Variants in TOR1AIP2 observed in about 807,000 individuals in gnomAD.
TOR1AIP2 encodes torsin 1A interacting protein 2, also known as torsin-1A-interacting protein 2.
In TOR1AIP2, 20 loss-of-function variants were observed where a neutral mutation model predicts 32.6. The observed-to-expected ratio is 0.61, with a 90% confidence interval of 0.43 to 0.89. TOR1AIP2 has a LOEUF of 0.89. TOR1AIP2 is among the 40% of genes least tolerant of loss of function. The pLI, the probability that TOR1AIP2 is intolerant of heterozygous loss-of-function variation, is 0.00. For missense variants in TOR1AIP2, 456 were observed against 553.8 expected, an observed-to-expected ratio of 0.82 and a Z score of 1.77; for synonymous variants, 214 against 210.8, an observed-to-expected ratio of 1.02 and a Z score of -0.13.
At chr1:179,850,083 C>T (rs1214554240) in intron 5 of TOR1AIP2, among the ~76,000 whole-genome samples, 1 of 151,738 alleles carries the variant, frequency 6.6e-6, no homozygotes, top group Non-Finnish European at 1.5e-5. Flanking sequence ...TTATAAAATA[C>T]AAACCCACAC....
intron 3 of TOR1AIP2, among the ~76,000 whole-genome samples, chr1:179,855,550 TTGA>T (rs1160145898): frequency 2.0e-5 from 3 of 152,176 alleles, no homozygotes; most frequent in Non-Finnish European, 4.4e-5. Context: ...ATATCAAATG[TTGA>T]TGAGGATTTA....
In TOR1AIP2 at chr1:179,851,378, G is replaced by T; in HGVS notation, c.35-15C>A. 4 of 1,470,722 alleles carry T rather than the reference G, an allele frequency of 2.7e-6. No homozygotes were observed. Among genetic ancestry groups the T allele is most frequent in the South Asian group, 1.5e-5 (1 of 67,948 alleles). 91.1% of individuals were successfully genotyped at this position (1,470,722 alleles called of 1,614,324 possible). ...CTTTTGAGAGTCTATTGAGATAAAA[G>T]TTTATAATTTTTATTGGAAAAAATT... is the stretch of plus-strand genomic sequence containing the variant. On this transcript the variant is annotated splice_polypyrimidine_tract_variant and intron_variant, in intron 4 of 6. Transcript: ENST00000609928.
intron 4 of TOR1AIP2, among the ~76,000 whole-genome samples, chr1:179,852,371 G>A (rs956953694): frequency 1.3e-5 from 2 of 151,882 alleles, no homozygotes; most frequent in African/African-American, 4.8e-5. Flanking sequence ...ATTTTTTAAA[G>A]AAGCATTGTA....
intron 3 of TOR1AIP2, chr1:179,861,302 A>C (rs1696520881): frequency 4.1e-6 from 4 of 985,028 alleles, no homozygotes; most frequent in Middle Eastern, 5.2e-4. Flanking sequence ...TCAACTATGG[A>C]GTATTCTAGA....
rs1224714153 is a variant in TOR1AIP2, at chr1:179,858,728, A to G, written c.-146-5917T>C. Among the ~76,000 whole-genome samples, 3 of 152,228 alleles carry G rather than the reference A, an allele frequency of 2.0e-5. No individual in the cohort carries two copies. In the South Asian group the frequency reaches 6.2e-4, roughly 32 times the overall value. ...CCAGCTGAGAAGAGACAGGACACGG[A>G]AAAGCTGCCTGTGAGAACAAAATCA... On this transcript the variant is annotated intron_variant, in intron 3 of 6. Coordinates refer to ENST00000609928, the MANE Select transcript of TOR1AIP2 (RefSeq NM_001199260.2).
At chr1:179,871,282 GT>G (rs1224185085) in intron 2 of TOR1AIP2, among the ~76,000 whole-genome samples, 2 of 152,168 alleles carry the variant, frequency 1.3e-5, no homozygotes, top group African/African-American at 4.8e-5. Flanking sequence ...CAAATCAGGG[GT>G]TTTGTGTATG....
intron 3 of TOR1AIP2, 105 bp downstream of exon 3, chr1:179,865,331 C>CGGAGGTGCAAG: frequency 1.1e-6 from 1 of 930,542 alleles, no homozygotes; most frequent in Non-Finnish European, 1.6e-6. Context: ...TTGGCTTGCA[C>CGGAGGTGCAAG]CTCCGTGCAA....
chr1:179,873,218 G>A (rs1372712662), intron 2 of TOR1AIP2, among the ~76,000 whole-genome samples: 3 of 152,106 alleles, frequency 2.0e-5, no homozygotes, highest in African/African-American at 7.2e-5. Flanking sequence ...ATAGACACGT[G>A]GTCTTGCTAT....
chr1:179,840,574 G>T lies in TOR1AIP2; in HGVS notation c.*5497C>A, dbSNP rs771491733. ...TGAAGACTAAGGTATTTACCTTTTT[G>T]CAGATTAGGGGATACTGATTATGTT... On this transcript the variant is annotated 3_prime_UTR_variant, in exon 7 of 7. Transcript: ENST00000609928. 6.6e-6 allele frequency: 1 copy of T among 152,116 alleles called. No homozygotes were observed. The highest frequency in any genetic ancestry group is 1.5e-5 in the Non-Finnish European group (1 of 68,034). The allele number at this position is 152,116 out of a possible 1,614,324, so 9.4% of individuals were successfully genotyped here. A position where few individuals can be genotyped will look rare whatever the true frequency, so the allele number is the denominator to read the frequency against.
chr1:179,863,664 A>G (rs1203855543), intron 3 of TOR1AIP2: 5 of 923,102 alleles, frequency 5.4e-6, no homozygotes, highest in Non-Finnish European at 6.2e-6. Flanking sequence ...CTCTGTCACT[A>G]TTTTTTAAAA....
Position 179,851,477 on chromosome 1 carries a change from C to T in TOR1AIP2, c.35-114G>A, listed in dbSNP as rs2148429152. On this transcript the variant is annotated intron_variant, in intron 4 of 6. Coordinates refer to ENST00000609928, the MANE Select transcript of TOR1AIP2 (RefSeq NM_001199260.2). ...ACATAGATTTTCATGGTTTACAAGA[C>T]ACTTCCTAAACATTATTTCTCTTGG... 4 of 820,818 alleles carry T rather than the reference C, an allele frequency of 4.9e-6. No homozygotes were observed. In the South Asian group the frequency reaches 8.4e-5, roughly 17 times the overall value. 50.8% of individuals were successfully genotyped at this position (820,818 alleles called of 1,614,324 possible). A position where few individuals can be genotyped will look rare whatever the true frequency, so the allele number is the denominator to read the frequency against.
At chr1:179,870,744 C>A (rs1281965264) in intron 2 of TOR1AIP2, among the ~76,000 whole-genome samples, 1 of 152,176 alleles carries the variant, frequency 6.6e-6, no homozygotes, top group Non-Finnish European at 1.5e-5. Flanking sequence ...TACTTTATAT[C>A]CCTATAACAC....
intron 3 of TOR1AIP2, among the ~76,000 whole-genome samples, chr1:179,856,711 G>A (rs1240804092): frequency 6.6e-6 from 1 of 152,140 alleles, no homozygotes; most frequent in African/African-American, 2.4e-5. Context: ...CCAACTTCCA[G>A]GTTCAAGCGA....
At position 179,850,862 on chromosome 1, in the gene TOR1AIP2, C is replaced by T. The variant is rs763610484; in HGVS notation, c.536G>A (p.Arg179Lys). 3.1e-6 allele frequency: 5 copies of T among 1,613,586 alleles called. No individual in the cohort carries two copies. The highest frequency in any genetic ancestry group is 3.3e-5 in the Admixed American group (2 of 59,998). The change falls in exon 5 of 7, where the codon AGG becomes AAG. Residue 179 changes from arginine (R) to lysine (K), a missense_variant. Arg to Lys is a conservative substitution (Grantham distance 26). Coordinates refer to ENST00000609928, the MANE Select transcript of TOR1AIP2 (RefSeq NM_001199260.2). ...TCTCTTACCTGGGGCCAGCAGTCGC[C>T]TCCTCAGTGTATCCTCACCCTCTTG... Reference protein sequence around the residue: ...AGQEGEDTLRRRLLAPEAGSH... With the variant: ...AGQEGEDTLRKRLLAPEAGSH...
intron 6 of TOR1AIP2, among the ~76,000 whole-genome samples, chr1:179,847,114 T>C (rs905747247): frequency 1.3e-5 from 2 of 152,232 alleles, no homozygotes; most frequent in Admixed American, 1.3e-4. Flanking sequence ...GCTGAGTCTA[T>C]GTATTTGTTA....
At chr1:179,868,469 T>C (rs1011013622) in intron 2 of TOR1AIP2, 5 of 152,354 alleles carry the variant, frequency 3.3e-5, no homozygotes, top group Middle Eastern at 6.8e-3. Flanking sequence ...TATAAATCTG[T>C]ACAATCACTT....
chr1:179,863,686 A>G, intron 3 of TOR1AIP2: 3 of 983,752 alleles, frequency 3.0e-6, no homozygotes, highest in Non-Finnish European at 3.6e-6. Flanking sequence ...GCAAAAAAAA[A>G]AAAAAAAAAA....
In TOR1AIP2 at chr1:179,840,640, T is replaced by C. The variant is rs531999988; in HGVS notation, c.*5431A>G. The C allele has an allele frequency of 1.9e-4, 28 of 150,610 alleles. No homozygotes were observed. Among genetic ancestry groups the C allele is most frequent in the African/African-American group, 6.4e-4 (26 of 40,880 alleles). The allele number at this position is 150,610 out of a possible 1,614,324, so 9.3% of individuals were successfully genotyped here. A position where few individuals can be genotyped will look rare whatever the true frequency, so the allele number is the denominator to read the frequency against. ...TTGGCCTATAGAGATACAGAAGTTA[T>C]AGCACAGTTTACCAAACATCGCATG... On this transcript the variant is annotated 3_prime_UTR_variant, in exon 7 of 7. Coordinates refer to ENST00000609928, the MANE Select transcript of TOR1AIP2 (RefSeq NM_001199260.2).
intron 3 of TOR1AIP2, 42 bp downstream of exon 3, chr1:179,865,394 A>C (rs1428091725): frequency 3.5e-6 from 2 of 572,728 alleles, no homozygotes; most frequent in African/African-American, 3.7e-5. Context: ...CAGTCTCTGA[A>C]CTCAGGGACC....
Sources: gnomAD v4.1 joint callset for allele counts (sites outside exome capture counted in the v4.1 genomes callset) on GRCh38, gnomAD v4.1.1 for gene constraint, MANE v1.5 for transcripts, NCBI Gene and HGNC (gene_info 2026-07-23, HGNC 2026-07-21) for gene names.